The following NXPH1 variants were observed in gnomAD, a reference collection of about 807,000 sequenced individuals.
The protein encoded by NXPH1 is neurexophilin 1.
A neutral mutation model predicts 23.7 loss-of-function variants in NXPH1; 5 were observed. The ratio of observed to expected loss-of-function variants is 0.21; its 90% CI spans 0.11 to 0.44. The LOEUF (loss-of-function observed/expected upper bound fraction) is 0.44, where lower values mean the gene tolerates loss of function less well. Ranked by LOEUF, NXPH1 falls within the 20% of genes least tolerant of loss-of-function variation. The pLI is 0.99. For synonymous variants in NXPH1, 144 were observed against 122.2 expected (o/e 1.18, Z -1.18); for missense variants, 324 against 321.6 (o/e 1.01, Z -0.06).
chr7:8,487,567 T>C (rs981554348), intron 2 of NXPH1, among the ~76,000 whole-genome samples: 1 of 152,164 alleles, frequency 6.6e-6, no homozygotes, highest in African/African-American at 2.4e-5. Flanking sequence ...CTAGCTTCTC[T>C]CTTGTCCTTC....
At chr7:8,662,589 C>T (rs180789725) in intron 2 of NXPH1, among the ~76,000 whole-genome samples, 1 of 151,898 alleles carries the variant, frequency 6.6e-6, no homozygotes, top group Non-Finnish European at 1.5e-5. Context: ...GAAGGACTTT[C>T]AATTTTTTAT....
intron 2 of NXPH1, among the ~76,000 whole-genome samples, chr7:8,516,850 C>A (rs1456451475): frequency 1.3e-5 from 2 of 151,968 alleles, no homozygotes; most frequent in Non-Finnish European, 1.5e-5. Context: ...AGAGCCAATG[C>A]CCAGGGTGCA....
In NXPH1 at chr7:8,736,948, C is replaced by T. The variant is rs193106709; in HGVS notation, c.55-14060C>T. Among the ~76,000 whole-genome samples the T allele has an allele frequency of 1.1e-3, 158 of 149,922 alleles. 2 individuals are homozygous for T. Among genetic ancestry groups the T allele is most frequent in the African/African-American group, 3.7e-3 (147 of 39,460 alleles). On this transcript the variant is annotated intron_variant, in intron 2 of 2. Coordinates refer to ENST00000405863, the MANE Select transcript of NXPH1 (RefSeq NM_152745.3). ...GTTTTCTCAGAGACTAGGATTGCAACCCCTACCTTTTTTTTTTTATGCTTT... is the reference window on the plus strand; with the variant it reads ...GTTTTCTCAGAGACTAGGATTGCAATCCCTACCTTTTTTTTTTTATGCTTT...
chr7:8,588,547 G>T (rs766743062), intron 2 of NXPH1, among the ~76,000 whole-genome samples: 4 of 152,114 alleles, frequency 2.6e-5, no homozygotes, highest in Non-Finnish European at 5.9e-5. Flanking sequence ...GGGGAATATG[G>T]TTGTTCAAGG....
intron 2 of NXPH1, among the ~76,000 whole-genome samples, chr7:8,659,941 G>T (rs1820646389): frequency 6.6e-6 from 1 of 152,116 alleles, no homozygotes; most frequent in South Asian, 2.1e-4. Context: ...AAACAATTTG[G>T]GGACATTTCA....
At chr7:8,587,497 A>G (rs1017150764) in intron 2 of NXPH1, among the ~76,000 whole-genome samples, 1 of 151,948 alleles carries the variant, frequency 6.6e-6, no homozygotes, top group African/African-American at 2.4e-5. Context: ...AATCTTTTTA[A>G]AATTATACTT....
rs549366029 is a variant in NXPH1 at position 8,688,588 on chromosome 7, C to T, written c.55-62420C>T. Among the ~76,000 whole-genome samples the T allele has an allele frequency of 2.2e-4, 34 of 152,148 alleles. No homozygotes were observed. In the South Asian group the frequency reaches 5.4e-3, roughly 24 times the overall value. ...ATCTGTTGCATGACAGGCAAAGATG[C>T]GATAGAAAGTAAGTGATGTTTTAGC... On this transcript the variant is annotated intron_variant, in intron 2 of 2. Transcript: ENST00000405863.
rs1258354717 is a variant in NXPH1 at position 8,433,981 on chromosome 7, G to A, written c.-885G>A. Reference sequence around the variant, plus strand: ...AGTAATTGTCCGTGTCAGGAAGGTAGGCGTGCCAAGCCGCGGCTCTGCGGA... The same window carrying A: ...AGTAATTGTCCGTGTCAGGAAGGTAAGCGTGCCAAGCCGCGGCTCTGCGGA... On this transcript the variant is annotated 5_prime_UTR_variant, in exon 1 of 3. Transcript: ENST00000405863. The surrounding 1 kb of genome is among the most constrained non-coding windows in gnomAD (Gnocchi z 6.8). The A allele has an allele frequency of 6.6e-6, 1 of 152,328 alleles. No individual in the cohort carries two copies. Among genetic ancestry groups the A allele is most frequent in the Non-Finnish European group, 1.5e-5 (1 of 68,128 alleles). The allele number at this position is 152,328 out of a possible 1,614,324, so 9.4% of individuals were successfully genotyped here. A position where few individuals can be genotyped will look rare whatever the true frequency, so the allele number is the denominator to read the frequency against.
intron 2 of NXPH1, among the ~76,000 whole-genome samples, chr7:8,581,591 C>A (rs200357116): frequency 4.6e-5 from 7 of 152,118 alleles, no homozygotes; most frequent in Non-Finnish European, 1.0e-4. Context: ...TACAGTTCGA[C>A]GTGAGATTTG....
chr7:8,560,236 T>C (rs1818417822), intron 2 of NXPH1, among the ~76,000 whole-genome samples: 2 of 151,744 alleles, frequency 1.3e-5, no homozygotes, highest in Non-Finnish European at 3.0e-5. Context: ...CTGTGAAGTT[T>C]GACTTCTCAA....
chr7:8,452,038 GAA>G (rs778788075), intron 2 of NXPH1, among the ~76,000 whole-genome samples: 33 of 152,282 alleles, frequency 2.2e-4, no homozygotes, highest in Non-Finnish European at 2.9e-4. Flanking sequence ...AAAGCTGACA[GAA>G]GAAAACTGAC....
At chr7:8,525,166 A>T (rs956739002) in intron 2 of NXPH1, among the ~76,000 whole-genome samples, 1 of 152,146 alleles carries the variant, frequency 6.6e-6, no homozygotes, top group Non-Finnish European at 1.5e-5. Context: ...GAGAAGAGGA[A>T]CTTGTTGGGA....
In NXPH1 at chr7:8,647,043, A is replaced by T. The variant is rs563879392; in HGVS notation, c.55-103965A>T. On this transcript the variant is annotated intron_variant, in intron 2 of 2. Coordinates refer to ENST00000405863, the MANE Select transcript of NXPH1 (RefSeq NM_152745.3). Reference sequence around the variant, plus strand: ...CATAGAACAGTCAGACCCAGCTCCTAGCCACCCCTGGGACAGGCAGACAAT... The same window carrying T: ...CATAGAACAGTCAGACCCAGCTCCTTGCCACCCCTGGGACAGGCAGACAAT... Among the ~76,000 whole-genome samples, 103 of 152,224 alleles carry T rather than the reference A, an allele frequency of 6.8e-4. 1 individual carries two copies. Among genetic ancestry groups the T allele is most frequent in the Middle Eastern group, 6.8e-3 (2 of 294 alleles).
chr7:8,675,076 A>G (rs1351849683), intron 2 of NXPH1, among the ~76,000 whole-genome samples: 5 of 152,174 alleles, frequency 3.3e-5, no homozygotes, highest in African/African-American at 1.2e-4. Context: ...GGGGTAGGCT[A>G]AATCCTTCTG....
At chr7:8,618,095 G>A (rs746143273) in intron 2 of NXPH1, among the ~76,000 whole-genome samples, 3 of 152,012 alleles carry the variant, frequency 2.0e-5, no homozygotes, top group Admixed American at 6.6e-5. Context: ...GTCACTCGCC[G>A]CAGGGTTCTT....
intron 2 of NXPH1, among the ~76,000 whole-genome samples, chr7:8,700,603 G>T (rs1779610212): frequency 6.6e-6 from 1 of 152,142 alleles, no homozygotes; most frequent in Admixed American, 6.6e-5. Context: ...CAGCATTAGA[G>T]TACAATGTGG....
chr7:8,588,228 C>T (rs918282775), intron 2 of NXPH1, among the ~76,000 whole-genome samples: 1 of 152,170 alleles, frequency 6.6e-6, no homozygotes, highest in African/African-American at 2.4e-5. Context: ...TACCATTTGA[C>T]ACAGCAGTCC....
chr7:8,733,569 C>T (rs1038991873), intron 2 of NXPH1, among the ~76,000 whole-genome samples: 11 of 152,154 alleles, frequency 7.2e-5, no homozygotes, highest in Non-Finnish European at 1.2e-4. Flanking sequence ...TAATGATCAC[C>T]ATTCTAACTG....
At chr7:8,650,173 T>C (rs981265939) in intron 2 of NXPH1, among the ~76,000 whole-genome samples, 2 of 152,248 alleles carry the variant, frequency 1.3e-5, no homozygotes, top group African/African-American at 4.8e-5. Flanking sequence ...CCAGCGTCTT[T>C]TGTTCTTAAG....
Sources: gnomAD v4.1 joint callset for allele counts (sites outside exome capture counted in the v4.1 genomes callset) on GRCh38, gnomAD v4.1.1 for gene constraint, Gnocchi (gnomAD v3.1) non-coding constraint, MANE v1.5 for transcripts, NCBI Gene and HGNC (gene_info 2026-07-23, HGNC 2026-07-21) for gene names.